The following SCFD2 variants were observed in gnomAD, a reference collection of about 807,000 sequenced individuals.
SCFD2 encodes sec1 family domain containing 2.
In SCFD2, 54 loss-of-function variants were observed where a neutral mutation model predicts 58.9. That is an observed-to-expected ratio of 0.92 (90% CI 0.74 to 1.15). The LOEUF is 1.15. Among genes scored for constraint, SCFD2 ranks in the 50% most tolerant of loss-of-function variants. The pLI is 0.00. For synonymous variants in SCFD2, 321 were observed against 335.9 expected (o/e 0.96, Z 0.49); for missense variants, 805 against 836.6 (o/e 0.96, Z 0.47).
chr4:53,090,944 A>T (rs1724450621), intron 5 of SCFD2, among the ~76,000 whole-genome samples: 1 of 152,176 alleles, frequency 6.6e-6, no homozygotes, highest in Non-Finnish European at 1.5e-5. Flanking sequence ...TAACAAACAC[A>T]GGTCTGCCTA....
rs186095758 is a variant in SCFD2 at position 52,927,658 on chromosome 4, T to C, written c.1562-6788A>G. Among the ~76,000 whole-genome samples the C allele has an allele frequency of 1.5e-3, 235 of 152,318 alleles. 2 individuals are homozygous for C. Among genetic ancestry groups the C allele is most frequent in the South Asian group, 0.01 (49 of 4,830 alleles). On this transcript the variant is annotated intron_variant, in intron 5 of 8. Transcript: ENST00000401642. ...TTAAATCTTGCAACTTAGTAACAAGTACAACTGGCACACACAGGTTTGAGA... is the reference window on the plus strand; with the variant it reads ...TTAAATCTTGCAACTTAGTAACAAGCACAACTGGCACACACAGGTTTGAGA...
intron 5 of SCFD2, among the ~76,000 whole-genome samples, chr4:52,985,611 C>T (rs906280707): frequency 4.1e-5 from 6 of 145,782 alleles, no homozygotes; most frequent in African/African-American, 9.9e-5. Context: ...CACCCCCAGA[C>T]GTATCTGAAA....
intron 5 of SCFD2, among the ~76,000 whole-genome samples, chr4:53,083,552 A>G (rs938696845): frequency 3.9e-5 from 6 of 152,206 alleles, no homozygotes; most frequent in African/African-American, 1.4e-4. Context: ...AATCTTCAAC[A>G]AGATACTAGC....
At chr4:53,247,312 ATTCG>A (rs1196890260) in intron 4 of SCFD2, among the ~76,000 whole-genome samples, 1 of 152,210 alleles carries the variant, frequency 6.6e-6, no homozygotes, top group African/African-American at 2.4e-5. Flanking sequence ...GGGAGTGTAA[ATTCG>A]TTCACGCAGT....
chr4:52,922,996 A>C (rs1314786132), intron 5 of SCFD2, among the ~76,000 whole-genome samples: 1 of 151,322 alleles, frequency 6.6e-6, no homozygotes, highest in Non-Finnish European at 1.5e-5. Context: ...AATGGAATGA[A>C]TCTAACATAC....
At chr4:53,246,560 A>G (rs992903585) in intron 4 of SCFD2, among the ~76,000 whole-genome samples, 1 of 152,156 alleles carries the variant, frequency 6.6e-6, no homozygotes, top group African/African-American at 2.4e-5. Context: ...GTGACCATCT[A>G]ATCTTTGACA....
chr4:53,125,490 T>A (rs1040392752), intron 5 of SCFD2, among the ~76,000 whole-genome samples: 1 of 152,228 alleles, frequency 6.6e-6, no homozygotes, highest in African/African-American at 2.4e-5. Context: ...CAAAAATTTA[T>A]CAGATATTCT....
intron 5 of SCFD2, among the ~76,000 whole-genome samples, chr4:52,980,482 C>A (rs558296774): frequency 8.9e-4 from 136 of 152,140 alleles, no homozygotes; most frequent in Non-Finnish European, 1.5e-3. Flanking sequence ...TGAGTTAGAT[C>A]ATGTAAAGTG....
intron 5 of SCFD2, among the ~76,000 whole-genome samples, chr4:52,944,623 G>A (rs1333403758): frequency 1.3e-5 from 2 of 152,246 alleles, no homozygotes; most frequent in South Asian, 2.1e-4. Context: ...TCTAAATTTT[G>A]CTCTCAAGGA....
At chr4:53,071,997 C>A (rs747669816) in intron 5 of SCFD2, among the ~76,000 whole-genome samples, 9 of 152,098 alleles carry the variant, frequency 5.9e-5, no homozygotes, top group Admixed American at 3.3e-4. Context: ...CACCACCACC[C>A]TTTCTTCTGG....
At chr4:53,197,210 AT>A (rs1444716832) in intron 4 of SCFD2, among the ~76,000 whole-genome samples, 1 of 152,148 alleles carries the variant, frequency 6.6e-6, no homozygotes, top group East Asian at 1.9e-4. Context: ...AAAAGTATGT[AT>A]TATACTATTA....
intron 6 of SCFD2, among the ~76,000 whole-genome samples, chr4:52,909,729 C>A (rs1168966920): frequency 6.6e-6 from 1 of 152,100 alleles, no homozygotes; most frequent in Non-Finnish European, 1.5e-5. Context: ...GGGTAAAGCA[C>A]ACCAAAATGT....
Position 52,966,181 on chromosome 4 carries a change from C to T in SCFD2, c.1562-45311G>A, listed in dbSNP as rs190549600. Among the ~76,000 whole-genome samples the T allele has an allele frequency of 2.5e-3, 384 of 152,284 alleles. 4 individuals are homozygous for T. Among genetic ancestry groups the T allele is most frequent in the Admixed American group, 7.3e-3 (112 of 15,306 alleles). ...CATGCCCTGCACCATTCTTTTTGTT[C>T]GTAAATGCCAGGATTTTGTTGTGCT... On this transcript the variant is annotated intron_variant, in intron 5 of 8. Transcript: ENST00000401642.
intron 5 of SCFD2, among the ~76,000 whole-genome samples, chr4:52,965,718 A>G (rs1720948190): frequency 6.6e-6 from 1 of 152,206 alleles, no homozygotes; most frequent in Non-Finnish European, 1.5e-5. Flanking sequence ...GCTCAGTACC[A>G]TACATGTGAC....
At chr4:52,964,900 G>C (rs966985593) in intron 5 of SCFD2, among the ~76,000 whole-genome samples, 4 of 152,140 alleles carry the variant, frequency 2.6e-5, no homozygotes, top group Middle Eastern at 3.4e-3. Flanking sequence ...AATGGTATCA[G>C]TTCAGATCCC....
chr4:53,017,295 C>T (rs183532502), intron 5 of SCFD2, among the ~76,000 whole-genome samples: 6 of 152,216 alleles, frequency 3.9e-5, no homozygotes, highest in African/African-American at 9.6e-5. Context: ...TAGAAATAAA[C>T]GTGCGAAACA....
At chr4:53,160,854 A>G (rs1270075801) in intron 4 of SCFD2, among the ~76,000 whole-genome samples, 4 of 152,240 alleles carry the variant, frequency 2.6e-5, no homozygotes, top group Admixed American at 2.6e-4. Flanking sequence ...TCTGTGGAGC[A>G]TACAATTCTG....
chr4:53,207,537 T>A (rs1275453189), intron 4 of SCFD2, among the ~76,000 whole-genome samples: 7 of 9,996 alleles, frequency 7.0e-4, no homozygotes, highest in Non-Finnish European at 1.1e-3. Context: ...TATTTATATA[T>A]TATATATATA....
At chr4:52,999,860 T>G (rs1197225767) in intron 5 of SCFD2, among the ~76,000 whole-genome samples, 2 of 152,208 alleles carry the variant, frequency 1.3e-5, no homozygotes, top group Non-Finnish European at 2.9e-5. Context: ...ACTTCCTTGT[T>G]GTCCTCTCTG....
Sources: gnomAD v4.1 joint callset for allele counts (sites outside exome capture counted in the v4.1 genomes callset) on GRCh38, gnomAD v4.1.1 for gene constraint, MANE v1.5 for transcripts, NCBI Gene and HGNC (gene_info 2026-07-23, HGNC 2026-07-21) for gene names.